Variants in FCHO2 observed in about 807,000 individuals in gnomAD.
The protein encoded by FCHO2 is FCH and mu domain containing endocytic adaptor 2.
FCHO2 carries 43 observed loss-of-function variants against 114.1 expected under a neutral mutation model. That is an observed-to-expected ratio of 0.38 (90% confidence interval 0.30 to 0.49). The LOEUF (loss-of-function observed/expected upper bound fraction) is 0.49, where lower values mean the gene tolerates loss of function less well. Ranked by LOEUF, FCHO2 falls within the 20% of genes least tolerant of loss-of-function variation. The pLI is 0.97. For missense variants in FCHO2, 807 were observed against 950.4 expected (o/e 0.85, Z 1.98); for synonymous variants, 293 against 315.2 (o/e 0.93, Z 0.75).
chr5:73,048,061 G>A (rs918085817), intron 11 of FCHO2, among the ~76,000 whole-genome samples: 2 of 146,668 alleles, frequency 1.4e-5, no homozygotes, highest in African/African-American at 5.0e-5. Context: ...TGCTGGTCTC[G>A]AACTCCTGGG....
chr5:73,000,308 A>T (rs1242548558), intron 5 of FCHO2, among the ~76,000 whole-genome samples: 1 of 151,600 alleles, frequency 6.6e-6, no homozygotes. Flanking sequence ...CCCTGTCTCT[A>T]CTAAAATACA....
intron 21 of FCHO2, 82 bp from the exon 22 acceptor site, chr5:73,078,098 T>C: frequency 9.0e-7 from 1 of 1,107,252 alleles, no homozygotes. Flanking sequence ...TACTAGTTTT[T>C]CCTGTGTCAC....
intron 2 of FCHO2, among the ~76,000 whole-genome samples, chr5:72,986,626 AAGTTTTTGTGTC>A (rs1410306526): frequency 6.6e-6 from 1 of 152,180 alleles, no homozygotes; most frequent in Non-Finnish European, 1.5e-5. Flanking sequence ...TCAGTGAGAA[AAGTTTTTGTGTC>A]AATAATCTTA....
intron 10 of FCHO2, among the ~76,000 whole-genome samples, chr5:73,040,095 C>A (rs1756734728): frequency 6.6e-6 from 1 of 152,004 alleles, no homozygotes; most frequent in Admixed American, 6.6e-5. Flanking sequence ...TAAGAAAATT[C>A]TTCAATTTTG....
At chr5:73,041,365 T>C in intron 11 of FCHO2, 50 bp downstream of exon 11, 1 of 1,186,192 alleles carries the variant, frequency 8.4e-7, no homozygotes, top group Non-Finnish European at 1.2e-6. Flanking sequence ...TTATTTTCAT[T>C]AGGACAAACC....
chr5:73,019,002 AT>A (rs1227531577), intron 8 of FCHO2, among the ~76,000 whole-genome samples: 1 of 152,208 alleles, frequency 6.6e-6, no homozygotes, highest in Non-Finnish European at 1.5e-5. Context: ...CAATAGCTTG[AT>A]TCACTGAAGT....
rs191513329 is a variant in FCHO2 at position 73,014,584 on chromosome 5, G to A, written c.601-1042G>A. Among the ~76,000 whole-genome samples, 125 of 151,940 alleles carry A rather than the reference G, an allele frequency of 8.2e-4. 1 individual carries two copies. Among genetic ancestry groups the A allele is most frequent in the African/African-American group, 2.9e-3 (120 of 41,466 alleles). On this transcript the variant is annotated intron_variant, in intron 6 of 25. Transcript: ENST00000430046. ...ATTATAGGTGTGAGCCACCGTGCCC[G>A]GTGTATATTATTATTTCAAGGATTA...
rs142876390 is a variant in FCHO2 at position 73,053,886 on chromosome 5, C to G, written c.1174-274C>G. 2.0e-3 allele frequency among the ~76,000 whole-genome samples: 272 copies of G among 138,588 alleles called. 2 individuals carry two copies. The highest frequency in any genetic ancestry group is 6.9e-3 in the African/African-American group (261 of 37,886). The allele number at this position is 138,588 out of a possible 152,430, so 90.9% of individuals were successfully genotyped here. ...TTTCTCTTTTGTACTCTTCTCTTTT[C>G]AGTTTGTTTTTAAAAAACAATGAAC... is the stretch of plus-strand genomic sequence containing the variant. On this transcript the variant is annotated intron_variant, in intron 13 of 25. Transcript: ENST00000430046.
In FCHO2 at chr5:73,017,200, T is replaced by A; in HGVS notation, c.700-12T>A. 1 of 1,405,740 alleles carries A rather than the reference T, an allele frequency of 7.1e-7. No homozygotes were observed. Among genetic ancestry groups the A allele is most frequent in the Non-Finnish European group, 9.5e-7 (1 of 1,048,088 alleles). The allele number at this position is 1,405,740 out of a possible 1,614,324, so 87.1% of individuals were successfully genotyped here. On this transcript the variant is annotated splice_polypyrimidine_tract_variant and intron_variant, in intron 7 of 25. Transcript: ENST00000430046. Reference sequence around the variant, plus strand: ...GGAAAAAGAAAAAGTTATCTTTATTTCATTTTAATAGGTCCATGAAGAATT... The same window carrying A: ...GGAAAAAGAAAAAGTTATCTTTATTACATTTTAATAGGTCCATGAAGAATT...
intron 8 of FCHO2, among the ~76,000 whole-genome samples, chr5:73,027,827 C>A (rs1756021810): frequency 6.6e-6 from 1 of 152,014 alleles, no homozygotes; most frequent in Non-Finnish European, 1.5e-5. Context: ...ATACCCCATT[C>A]GTAATTAGGG....
intron 1 of FCHO2, among the ~76,000 whole-genome samples, chr5:72,963,956 T>G (rs559267237): frequency 1.8e-3 from 266 of 146,048 alleles, no homozygotes; most frequent in Middle Eastern, 0.011. Context: ...GACTGGAGAT[T>G]TAAGTACTGA....
chr5:73,056,013 AAT>A, intron 15 of FCHO2, 50 bp from the exon 16 acceptor site: 2 of 1,255,274 alleles, frequency 1.6e-6, no homozygotes, highest in Non-Finnish European at 1.1e-6. Context: ...TTTTCATTAA[AAT>A]ATTTTATTTC....
At chr5:72,956,537 G>A (rs1354413124) in intron 1 of FCHO2, among the ~76,000 whole-genome samples, 2 of 151,936 alleles carry the variant, frequency 1.3e-5, no homozygotes, top group African/African-American at 2.4e-5. Flanking sequence ...TGGGAGCGCC[G>A]GGCGGTGGGG....
chr5:73,059,972 A>G (rs1321398543), intron 17 of FCHO2, among the ~76,000 whole-genome samples: 4 of 152,118 alleles, frequency 2.6e-5, no homozygotes, highest in African/African-American at 9.6e-5. Flanking sequence ...ATGAATTATT[A>G]AAGTCTTTAA....
At position 73,037,197 on chromosome 5, in the gene FCHO2, A is replaced by G; in HGVS notation, c.896A>G (p.Glu299Gly). 1 of 1,599,538 alleles carries G rather than the reference A, an allele frequency of 6.3e-7. No individual in the cohort carries two copies. Among genetic ancestry groups the G allele is most frequent in the Non-Finnish European group, 8.5e-7 (1 of 1,173,380 alleles). ...GCTTTGCCAGGAATCATTAAAAAGG[A>G]AAAAGATGCAGAATCTGTGTAAGTA... ...TFALPGIIKK[E>G]KDAESVECPD... The change falls in exon 10 of 26, where the codon GAA becomes GGA. Residue 299 changes from glutamate to glycine, a missense_variant. Physicochemically the swap from Glu to Gly is moderately conservative, Grantham distance 98. Transcript: ENST00000430046.
At chr5:73,011,542 G>C (rs1004622523) in intron 6 of FCHO2, among the ~76,000 whole-genome samples, 7 of 151,978 alleles carry the variant, frequency 4.6e-5, no homozygotes, top group Non-Finnish European at 2.9e-5. Flanking sequence ...CATAGGCTTA[G>C]TATCATTAGG....
Position 73,089,237 on chromosome 5 carries a change from C to A in FCHO2, c.*1147C>A, listed in dbSNP as rs867767085. The stretch of plus-strand genomic sequence containing the variant: ...AATTGGTAACTGGTATTTTAACTCT[C>A]AATTTAGCATTTTCCTTGATACTTT... On this transcript the variant is annotated 3_prime_UTR_variant, in exon 26 of 26. Transcript: ENST00000430046. 7 of 152,540 alleles carry A rather than the reference C, an allele frequency of 4.6e-5. No individual in the cohort carries two copies. Among genetic ancestry groups the A allele is most frequent in the African/African-American group, 1.4e-4 (6 of 41,438 alleles). 9.4% of individuals were successfully genotyped at this position (152,540 alleles called of 1,614,324 possible).
intron 5 of FCHO2, among the ~76,000 whole-genome samples, chr5:73,000,995 T>C (rs999224414): frequency 6.6e-6 from 1 of 152,222 alleles, no homozygotes; most frequent in Non-Finnish European, 1.5e-5. Context: ...TAAGAATTTA[T>C]AGCATTCCTA....
intron 5 of FCHO2, among the ~76,000 whole-genome samples, chr5:73,002,284 G>A (rs931379681): frequency 7.2e-5 from 11 of 152,134 alleles, no homozygotes; most frequent in African/African-American, 2.2e-4. Context: ...TAGAGACTAC[G>A]TGAGTATAGG....
Sources: gnomAD v4.1 joint callset for allele counts (sites outside exome capture counted in the v4.1 genomes callset) on GRCh38, gnomAD v4.1.1 for gene constraint, MANE v1.5 for transcripts, NCBI Gene and HGNC (gene_info 2026-07-23, HGNC 2026-07-21) for gene names.